The following TAFA4 variants were observed in gnomAD, a reference collection of about 807,000 sequenced individuals.
The protein encoded by TAFA4 is TAFA chemokine like family member 4.
Under a neutral mutation model 21.1 loss-of-function variants are expected in TAFA4, and 20 were observed. The ratio of observed to expected loss-of-function variants is 0.95; its 90% confidence interval spans 0.67 to 1.38. The LOEUF is 1.38. TAFA4 is among the 40% of genes most tolerant of loss of function. The pLI, the probability that TAFA4 is intolerant of heterozygous loss-of-function variation, is 0.00. For missense variants in TAFA4, 211 were observed against 180.9 expected, an observed-to-expected ratio of 1.17 and a Z score of -0.95; for synonymous variants, 71 against 67.4, an observed-to-expected ratio of 1.05 and a Z score of -0.26.
intron 3 of TAFA4, among the ~76,000 whole-genome samples, chr3:68,781,749 C>T (rs1387344606): frequency 1.3e-5 from 2 of 152,160 alleles, no homozygotes; most frequent in Admixed American, 6.5e-5. Context: ...GGAACATTTA[C>T]TACCTCATTT....
At chr3:68,803,659 T>C (rs1222547219) in intron 3 of TAFA4, among the ~76,000 whole-genome samples, 1 of 151,240 alleles carries the variant, frequency 6.6e-6, no homozygotes, top group African/African-American at 2.4e-5. Context: ...TCTGACCCTG[T>C]GTTTGTTTTT....
At chr3:68,796,144 G>A (rs548019961) in intron 3 of TAFA4, among the ~76,000 whole-genome samples, 25 of 152,240 alleles carry the variant, frequency 1.6e-4, no homozygotes, top group Non-Finnish European at 2.9e-5. Context: ...GACTGCACTG[G>A]GTTGCTAAAA....
intron 3 of TAFA4, among the ~76,000 whole-genome samples, chr3:68,766,850 A>C (rs530992701): frequency 6.6e-6 from 1 of 152,280 alleles, no homozygotes; most frequent in South Asian, 2.1e-4. Flanking sequence ...GAGCTTTGAA[A>C]AGCCAAGGGA....
rs545085458 is a variant in TAFA4, at chr3:68,771,605, T to C, written c.131-18587A>G. Among the ~76,000 whole-genome samples the C allele has an allele frequency of 2.0e-4, 30 of 152,320 alleles. 1 individual carries two copies. Among genetic ancestry groups the C allele is most frequent in the African/African-American group, 5.5e-4 (23 of 41,568 alleles). The stretch of plus-strand genomic sequence containing the variant: ...AACAAAAAAAGTTTAAAAATTCGTA[T>C]TATCAAAAGTACCACCCCTCCAAAT... On this transcript the variant is annotated intron_variant, in intron 3 of 5. Transcript: ENST00000295569.
At chr3:68,819,274 TAAAAAAAAA>T (rs59090610) in intron 3 of TAFA4, among the ~76,000 whole-genome samples, 25 of 109,346 alleles carry the variant, frequency 2.3e-4, no homozygotes, top group Non-Finnish European at 4.5e-4. Flanking sequence ...TGTCTTTAAT[TAAAAAAAAA>T]AAAAAAAAAA....
intron 3 of TAFA4, among the ~76,000 whole-genome samples, chr3:68,817,403 T>C (rs539754730): frequency 6.6e-6 from 1 of 152,280 alleles, no homozygotes; most frequent in African/African-American, 2.4e-5. Flanking sequence ...TAGTCATCCA[T>C]GAGAGCTGGA....
At chr3:68,811,935 T>A (rs1457544732) in intron 3 of TAFA4, among the ~76,000 whole-genome samples, 1 of 152,068 alleles carries the variant, frequency 6.6e-6, no homozygotes, top group Non-Finnish European at 1.5e-5. Flanking sequence ...AAAGGTCGGG[T>A]TACCCACAAA....
intron 1 of TAFA4, among the ~76,000 whole-genome samples, chr3:68,920,729 C>A (rs753374955): frequency 3.0e-4 from 45 of 150,948 alleles, no homozygotes; most frequent in Non-Finnish European, 1.0e-4. Flanking sequence ...ACCAGTGGCA[C>A]CACTATCCCC....
chr3:68,839,294 G>A (rs1286101276), intron 3 of TAFA4, among the ~76,000 whole-genome samples: 1 of 152,152 alleles, frequency 6.6e-6, no homozygotes, highest in Non-Finnish European at 1.5e-5. Flanking sequence ...TTTAAGCAAA[G>A]ACCTGAATGA....
intron 3 of TAFA4, among the ~76,000 whole-genome samples, chr3:68,861,669 A>T (rs953462962): frequency 1.3e-5 from 2 of 151,526 alleles, no homozygotes; most frequent in African/African-American, 4.8e-5. Flanking sequence ...GAGTGAGCCA[A>T]CCCCCCCAGC....
intron 1 of TAFA4, among the ~76,000 whole-genome samples, chr3:68,909,281 G>A (rs2089932734): frequency 1.3e-5 from 2 of 152,144 alleles, no homozygotes; most frequent in South Asian, 4.1e-4. Context: ...AACCCACCGG[G>A]CAGAATTAGG....
intron 3 of TAFA4, among the ~76,000 whole-genome samples, chr3:68,797,693 A>T (rs942824364): frequency 1.3e-5 from 2 of 152,142 alleles, no homozygotes; most frequent in African/African-American, 4.8e-5. Flanking sequence ...ATCTAAGTGA[A>T]ATAAGCTGGT....
At chr3:68,831,798 C>T (rs1299853452) in intron 3 of TAFA4, among the ~76,000 whole-genome samples, 1 of 152,128 alleles carries the variant, frequency 6.6e-6, no homozygotes, top group Admixed American at 6.5e-5. Flanking sequence ...GTTCCATTCT[C>T]CCCATCACTT....
chr3:68,899,690 G>A (rs968813193), intron 1 of TAFA4, among the ~76,000 whole-genome samples: 1 of 152,090 alleles, frequency 6.6e-6, no homozygotes, highest in African/African-American at 2.4e-5. Context: ...GGAAATATTA[G>A]GTCACGATCC....
chr3:68,734,585 C>A (rs1702206374), intron 5 of TAFA4, among the ~76,000 whole-genome samples: 1 of 152,146 alleles, frequency 6.6e-6, no homozygotes, highest in Non-Finnish European at 1.5e-5. Flanking sequence ...ACAAATAGAA[C>A]AAAGATGTAA....
intron 3 of TAFA4, among the ~76,000 whole-genome samples, chr3:68,822,543 TCATTG>T (rs1476973754): frequency 1.3e-5 from 2 of 152,172 alleles, no homozygotes; most frequent in African/African-American, 4.8e-5. Context: ...CAATCATAGC[TCATTG>T]CAGCCTTGAC....
chr3:68,885,650 T>A (rs1002338058), intron 1 of TAFA4, among the ~76,000 whole-genome samples: 12 of 152,042 alleles, frequency 7.9e-5, no homozygotes, highest in Non-Finnish European at 1.2e-4. Context: ...TCAGGAAAAA[T>A]GGAAGTTAGA....
chr3:68,847,772 G>C (rs1704843820), intron 3 of TAFA4, among the ~76,000 whole-genome samples: 1 of 152,208 alleles, frequency 6.6e-6, no homozygotes, highest in African/African-American at 2.4e-5. Flanking sequence ...AACACGGTAA[G>C]GTGTGAAACC....
chr3:68,868,720 A>C (rs546860185), intron 3 of TAFA4, among the ~76,000 whole-genome samples: 1 of 152,104 alleles, frequency 6.6e-6, no homozygotes, highest in African/African-American at 2.4e-5. Context: ...AAACATCCCA[A>C]AATCTATGGG....
Sources: allele counts gnomAD v4.1 joint callset (sites outside exome capture counted in the v4.1 genomes callset), GRCh38; gene constraint gnomAD v4.1.1; transcripts MANE v1.5; gene names NCBI Gene and HGNC (gene_info 2026-07-23, HGNC 2026-07-21).